The following CPQ variants were observed in gnomAD, a reference collection of about 807,000 sequenced individuals.
The protein encoded by CPQ is carboxypeptidase Q, also known as Ser-Met dipeptidase.
CPQ carries 37 observed loss-of-function variants against 45.7 expected under a neutral mutation model. The ratio of observed to expected loss-of-function variants is 0.81; its 90% CI spans 0.62 to 1.07. The LOEUF (loss-of-function observed/expected upper bound fraction) is 1.07, where lower values mean the gene tolerates loss of function less well. Ranked by LOEUF, CPQ falls within the 50% of genes least tolerant of loss-of-function variation. The pLI is 0.00. For synonymous variants in CPQ, 186 were observed against 205.8 expected (o/e 0.90, Z 0.82); for missense variants, 537 against 572.9 (o/e 0.94, Z 0.64).
chr8:96,877,994 G>A (rs572921803), intron 3 of CPQ, among the ~76,000 whole-genome samples: 3 of 151,238 alleles, frequency 2.0e-5, no homozygotes, highest in Admixed American at 6.6e-5. Flanking sequence ...ACGGAGTCTC[G>A]CTCTGTCGCC....
chr8:96,789,412 T>C (rs898340303), intron 2 of CPQ, among the ~76,000 whole-genome samples: 6 of 152,208 alleles, frequency 3.9e-5, no homozygotes, highest in Non-Finnish European at 8.8e-5. Context: ...TGTTCCTGTT[T>C]AGATTGTTTT....
intron 1 of CPQ, among the ~76,000 whole-genome samples, chr8:96,717,738 G>A (rs918431651): frequency 1.1e-4 from 17 of 152,234 alleles, no homozygotes; most frequent in South Asian, 4.1e-4. Context: ...AAGCCAAGTC[G>A]TGGGCGCTGG....
At chr8:96,736,746 GTTA>G (rs1395170854) in intron 1 of CPQ, among the ~76,000 whole-genome samples, 2 of 152,114 alleles carry the variant, frequency 1.3e-5, no homozygotes, top group Non-Finnish European at 2.9e-5. Flanking sequence ...CTACTACTTG[GTTA>G]TTATAGAATG....
At chr8:96,730,539 C>T (rs938362817) in intron 1 of CPQ, among the ~76,000 whole-genome samples, 1 of 151,968 alleles carries the variant, frequency 6.6e-6, no homozygotes, top group Non-Finnish European at 1.5e-5. Flanking sequence ...GTGGGAGGGG[C>T]CAGCTCATCT....
At chr8:97,061,201 T>C (rs936029608) in intron 6 of CPQ, among the ~76,000 whole-genome samples, 1 of 152,182 alleles carries the variant, frequency 6.6e-6, no homozygotes, top group Non-Finnish European at 1.5e-5. Context: ...CTTGAAAAGA[T>C]GTTTTATTAT....
At position 96,756,360 on chromosome 8, in the gene CPQ, T is replaced by C. The variant is rs534632400; in HGVS notation, c.-34-28504T>C. Among the ~76,000 whole-genome samples, 7 of 152,282 alleles carry C rather than the reference T, an allele frequency of 4.6e-5. No individual in the cohort carries two copies. In the East Asian group the frequency reaches 1.2e-3, roughly 25 times the overall value. On this transcript the variant is annotated intron_variant, in intron 1 of 7. Transcript: ENST00000220763. ...TGTCTTCCTTTCTCTACTGTCTGAC[T>C]CCTGTTAGCTATGTTATCACTTTAT... is the stretch of plus-strand genomic sequence containing the variant.
intron 7 of CPQ, among the ~76,000 whole-genome samples, chr8:97,087,417 G>A (rs28590482): frequency 1.3e-3 from 203 of 152,182 alleles, no homozygotes; most frequent in South Asian, 4.6e-3. Flanking sequence ...GGGGGTCAAG[G>A]GCTTTCCCCT....
At chr8:96,763,646 T>G (rs1037511663) in intron 1 of CPQ, among the ~76,000 whole-genome samples, 1 of 152,068 alleles carries the variant, frequency 6.6e-6, no homozygotes, top group Non-Finnish European at 1.5e-5. Context: ...AGAGCTGATA[T>G]GGGACTACTC....
chr8:96,670,541 C>T (rs1167201147), intron 1 of CPQ, among the ~76,000 whole-genome samples: 1 of 152,048 alleles, frequency 6.6e-6, no homozygotes, highest in Non-Finnish European at 1.5e-5. Flanking sequence ...AGAAAATTAA[C>T]AGAGACAGAC....
chr8:96,888,165 G>A (rs1387298872), intron 4 of CPQ, among the ~76,000 whole-genome samples: 1 of 152,126 alleles, frequency 6.6e-6, no homozygotes, highest in African/African-American at 2.4e-5. Flanking sequence ...CACACCTCCT[G>A]CAGTCTCGAG....
intron 1 of CPQ, among the ~76,000 whole-genome samples, chr8:96,721,554 A>G (rs904255848): frequency 1.3e-5 from 2 of 152,112 alleles, no homozygotes; most frequent in Non-Finnish European, 2.9e-5. Flanking sequence ...GCATTCTATC[A>G]GAATTAGGAC....
intron 4 of CPQ, among the ~76,000 whole-genome samples, chr8:96,937,868 T>C (rs1446084328): frequency 6.6e-6 from 1 of 152,234 alleles, no homozygotes; most frequent in South Asian, 2.1e-4. Flanking sequence ...TAGACGCTCC[T>C]ATCATGCTGT....
At chr8:96,693,026 T>A (rs1809324012) in intron 1 of CPQ, among the ~76,000 whole-genome samples, 1 of 151,452 alleles carries the variant, frequency 6.6e-6, no homozygotes, top group African/African-American at 2.4e-5. Context: ...AATTCTGGAG[T>A]CCAAAAAGGC....
chr8:97,142,962 GTA>G, intron 7 of CPQ, 56 bp from the exon 8 acceptor site: 1 of 1,540,712 alleles, frequency 6.5e-7, no homozygotes, highest in Middle Eastern at 1.8e-4. Context: ...GGAGAGGTGT[GTA>G]TTCAGCAGTG....
intron 1 of CPQ, among the ~76,000 whole-genome samples, chr8:96,664,315 G>A (rs1002863473): frequency 3.3e-5 from 5 of 152,174 alleles, no homozygotes; most frequent in African/African-American, 4.8e-5. Flanking sequence ...TATAGGTAAA[G>A]GGATAGAAGA....
At chr8:96,719,359 A>G (rs1809731362) in intron 1 of CPQ, among the ~76,000 whole-genome samples, 3 of 152,316 alleles carry the variant, frequency 2.0e-5, no homozygotes, top group African/African-American at 4.8e-5. Flanking sequence ...CAGGGCTGGC[A>G]GGGCTGGCCG....
At chr8:97,128,115 T>A (rs969785345) in intron 7 of CPQ, among the ~76,000 whole-genome samples, 6 of 152,246 alleles carry the variant, frequency 3.9e-5, no homozygotes, top group African/African-American at 1.4e-4. Context: ...GCAGCTATTT[T>A]GTTGTTCATG....
At chr8:96,649,960 C>T (rs1162085089) in intron 1 of CPQ, among the ~76,000 whole-genome samples, 1 of 152,166 alleles carries the variant, frequency 6.6e-6, no homozygotes, top group East Asian at 1.9e-4. Flanking sequence ...AGACCAGAGT[C>T]ATTCAAAGGA....
intron 6 of CPQ, among the ~76,000 whole-genome samples, chr8:97,049,638 T>C (rs2130504233): frequency 6.6e-6 from 1 of 152,278 alleles, no homozygotes; most frequent in South Asian, 2.1e-4. Context: ...GATTTAAGGA[T>C]CGTCAATTGT....
Sources: gnomAD v4.1 joint callset for allele counts (sites outside exome capture counted in the v4.1 genomes callset) on GRCh38, gnomAD v4.1.1 for gene constraint, MANE v1.5 for transcripts, NCBI Gene and HGNC (gene_info 2026-07-23, HGNC 2026-07-21) for gene names.